Variants in YAP1 observed in about 807,000 individuals in gnomAD.
YAP1 encodes the protein transcriptional coactivator YAP1.
Under a neutral mutation model 56.9 loss-of-function variants are expected in YAP1, and 5 were observed. The observed-to-expected ratio is 0.09, with a 90% confidence interval of 0.05 to 0.18. YAP1 has a LOEUF of 0.18. Among genes scored for constraint, YAP1 ranks in the 10% least tolerant of loss-of-function variants. YAP1 has a pLI of 1.00. For synonymous variants in YAP1, 265 were observed against 248.1 expected, an observed-to-expected ratio of 1.07 and a Z score of -0.64; for missense variants, 539 against 651.8, an observed-to-expected ratio of 0.83 and a Z score of 1.88.
At chr11:102,151,847 C>T (rs2135351094) in intron 2 of YAP1, among the ~76,000 whole-genome samples, 1 of 152,248 alleles carries the variant, frequency 6.6e-6, no homozygotes, top group African/African-American at 2.4e-5. Context: ...GTGCCATCAC[C>T]TCAGGCATGG....
rs1332878200 is a variant in YAP1, at chr11:102,189,323, T to C, written c.802+3192T>C. Among the ~76,000 whole-genome samples the C allele has an allele frequency of 2.0e-5, 3 of 152,112 alleles. No homozygotes were observed. In the East Asian group the frequency reaches 5.8e-4, roughly 29 times the overall value. On this transcript the variant is annotated intron_variant, in intron 4 of 8. Coordinates refer to ENST00000282441, the MANE Select transcript of YAP1 (RefSeq NM_001130145.3). Reference sequence around the variant, plus strand: ...AAGGCCTAATGAAAACACAATGAAATTATAATTGCTGTTCAGAATGAAAAA... The same window carrying C: ...AAGGCCTAATGAAAACACAATGAAACTATAATTGCTGTTCAGAATGAAAAA...
chr11:102,168,491 T>C (rs2023569609), intron 3 of YAP1, among the ~76,000 whole-genome samples: 1 of 152,222 alleles, frequency 6.6e-6, no homozygotes, highest in African/African-American at 2.4e-5. Flanking sequence ...ATTATTTATA[T>C]GCTTTAAAGT....
At chr11:102,185,869 C>A in intron 3 of YAP1, 149 bp from the exon 4 acceptor site, 1 of 704,008 alleles carries the variant, frequency 1.4e-6, no homozygotes, top group Non-Finnish European at 2.2e-6. Flanking sequence ...TATAGGTTTA[C>A]CTTTCTTCTC....
chr11:102,179,503 A>T (rs1387687335), intron 3 of YAP1, among the ~76,000 whole-genome samples: 1 of 152,134 alleles, frequency 6.6e-6, no homozygotes, highest in African/African-American at 2.4e-5. Context: ...CGAACTGCTT[A>T]TTCTGCCCCA....
At chr11:102,191,775 G>T (rs1328939902) in intron 4 of YAP1, among the ~76,000 whole-genome samples, 4 of 151,888 alleles carry the variant, frequency 2.6e-5, no homozygotes, top group Non-Finnish European at 5.9e-5. Context: ...CTTAATTCCT[G>T]GGCTCATACA....
chr11:102,118,842 G>C (rs568125667), intron 2 of YAP1, among the ~76,000 whole-genome samples: 1 of 151,674 alleles, frequency 6.6e-6, no homozygotes, highest in Non-Finnish European at 1.5e-5. Flanking sequence ...AACATATACA[G>C]TGTATCTTCA....
chr11:102,203,103 A>G (rs1011572693), intron 4 of YAP1, among the ~76,000 whole-genome samples: 3 of 152,198 alleles, frequency 2.0e-5, no homozygotes, highest in Non-Finnish European at 4.4e-5. Flanking sequence ...GCTGGCATGA[A>G]TCAAAAGTCA....
intron 2 of YAP1, among the ~76,000 whole-genome samples, chr11:102,132,564 C>T (rs576830529): frequency 1.3e-5 from 2 of 152,244 alleles, no homozygotes; most frequent in African/African-American, 2.4e-5. Context: ...TAATTGTATC[C>T]TGTATACATT....
intron 3 of YAP1, among the ~76,000 whole-genome samples, chr11:102,167,732 C>CA (rs891917242): frequency 9.3e-5 from 14 of 150,320 alleles, no homozygotes; most frequent in African/African-American, 2.2e-4. Context: ...GACTCCATCT[C>CA]AAAAAAAAAG....
chr11:102,142,875 A>G (rs181419874), intron 2 of YAP1, among the ~76,000 whole-genome samples: 147 of 152,354 alleles, frequency 9.6e-4, no homozygotes, highest in Non-Finnish European at 1.8e-3. Context: ...CGTTTTGAGC[A>G]TATAACATTT....
chr11:102,216,262 A>C (rs1949660006), intron 6 of YAP1, among the ~76,000 whole-genome samples: 1 of 152,222 alleles, frequency 6.6e-6, no homozygotes, highest in Non-Finnish European at 1.5e-5. Flanking sequence ...GTGAAAGTGA[A>C]GTTACCATAG....
chr11:102,200,007 T>C (rs1591396602), intron 4 of YAP1, among the ~76,000 whole-genome samples: 1 of 152,370 alleles, frequency 6.6e-6, no homozygotes, highest in East Asian at 1.9e-4. Context: ...AAAACATGTC[T>C]TGCCCTACCA....
At chr11:102,221,238 G>A (rs918459641) in intron 6 of YAP1, among the ~76,000 whole-genome samples, 1 of 152,154 alleles carries the variant, frequency 6.6e-6, no homozygotes, top group Admixed American at 6.5e-5. Flanking sequence ...AGTACAAGAA[G>A]CAGTTTACCT....
intron 5 of YAP1, 72 bp from the exon 6 acceptor site, chr11:102,209,445 T>C: frequency 7.3e-7 from 1 of 1,360,800 alleles, no homozygotes; most frequent in Non-Finnish European, 1.0e-6. Flanking sequence ...TGGATACAAT[T>C]TGTAAGTCAG....
At chr11:102,184,032 C>A (rs1365273360) in intron 3 of YAP1, among the ~76,000 whole-genome samples, 2 of 148,056 alleles carry the variant, frequency 1.4e-5, no homozygotes, top group South Asian at 2.2e-4. Context: ...AGCCGAGATC[C>A]CGCCACTGCA....
chr11:102,167,910 C>T (rs1946697367), intron 3 of YAP1, among the ~76,000 whole-genome samples: 1 of 152,030 alleles, frequency 6.6e-6, no homozygotes, highest in African/African-American at 2.4e-5. Flanking sequence ...GGCATGGTGG[C>T]CACACACCTG....
chr11:102,203,570 AAG>A (rs1459502848), intron 4 of YAP1, among the ~76,000 whole-genome samples: 10 of 152,222 alleles, frequency 6.6e-5, no homozygotes, highest in Non-Finnish European at 1.0e-4. Context: ...ATAGAGGTAA[AAG>A]AGATTGGCCA....
In YAP1 at chr11:102,183,850, GC is replaced by G. The variant is rs1428686097; in HGVS notation, c.689-2167del. ...CCAGCACTTTGGGAGGCCGAGGCGG[GC>G]GGATCACGAGGTCAGGAGATCGAGA... On this transcript the variant is annotated intron_variant, in intron 3 of 8. Transcript: ENST00000282441. Among the ~76,000 whole-genome samples, 3 of 151,978 alleles carry G rather than the reference GC, an allele frequency of 2.0e-5. No individual in the cohort carries two copies. The East Asian group carries it at 5.8e-4, about 29-fold the overall frequency.
intron 8 of YAP1, among the ~76,000 whole-genome samples, chr11:102,228,211 A>G (rs1265288592): frequency 1.3e-5 from 2 of 152,166 alleles, no homozygotes; most frequent in African/African-American, 2.4e-5. Context: ...TAATTTTGAG[A>G]GATGTCTACA....
Sources: gnomAD v4.1 joint callset for allele counts (sites outside exome capture counted in the v4.1 genomes callset) on GRCh38, gnomAD v4.1.1 for gene constraint, MANE v1.5 for transcripts, NCBI Gene and HGNC (gene_info 2026-07-23, HGNC 2026-07-21) for gene names.